PXT1: variants seen among roughly 807,000 people sequenced by gnomAD.
The protein encoded by PXT1 is peroxisomal testis-specific protein 1.
PXT1 carries 11 observed loss-of-function variants against 11.0 expected under a neutral mutation model. That is an observed-to-expected ratio of 1.00 (90% CI 0.63 to 1.66). The LOEUF is 1.66. PXT1 is among the 40% of genes most tolerant of loss of function. PXT1 has a pLI of 0.00. For synonymous variants in PXT1, 43 were observed against 51.4 expected (o/e 0.84, Z 0.70); for missense variants, 141 against 155.5 (o/e 0.91, Z 0.49).
At chr6:36,426,461 T>C (rs372091629) in intron 2 of PXT1, among the ~76,000 whole-genome samples, 13 of 147,030 alleles carry the variant, frequency 8.8e-5, no homozygotes, top group African/African-American at 3.3e-4. Context: ...ACCTCTGCCT[T>C]CTGGGTTCAA....
At chr6:36,420,632 CT>C (rs2127415285) in intron 3 of PXT1, among the ~76,000 whole-genome samples, 1 of 151,878 alleles carries the variant, frequency 6.6e-6, no homozygotes, top group South Asian at 2.1e-4. Context: ...TTTTCATATT[CT>C]TTATTTTTCT....
intron 2 of PXT1, among the ~76,000 whole-genome samples, chr6:36,435,598 A>G (rs973589749): frequency 1.3e-5 from 2 of 152,214 alleles, no homozygotes; most frequent in Non-Finnish European, 2.9e-5. Flanking sequence ...GCAAGAAAAC[A>G]TCGCAGAACA....
At chr6:36,402,683 AG>A (rs982310129) in intron 3 of PXT1, among the ~76,000 whole-genome samples, 43 of 152,230 alleles carry the variant, frequency 2.8e-4, no homozygotes, top group African/African-American at 1.0e-3. Flanking sequence ...AGTGAGCAAA[AG>A]CTTGGGGGTG....
At chr6:36,407,543 C>T (rs148869239) in intron 3 of PXT1, among the ~76,000 whole-genome samples, 94 of 151,502 alleles carry the variant, frequency 6.2e-4, no homozygotes, top group African/African-American at 1.9e-3. Context: ...GTCTAAATGG[C>T]CCAGTAAGGA....
At chr6:36,424,367 C>T (rs1213784301) in intron 3 of PXT1, among the ~76,000 whole-genome samples, 2 of 152,326 alleles carry the variant, frequency 1.3e-5, no homozygotes, top group African/African-American at 4.8e-5. Context: ...TCAGGCGGAG[C>T]GCGGTGGCTC....
chr6:36,398,177 CT>C (rs1241940035), intron 4 of PXT1, among the ~76,000 whole-genome samples: 6 of 152,172 alleles, frequency 3.9e-5, no homozygotes, highest in Non-Finnish European at 5.9e-5. Flanking sequence ...ATGAGATACA[CT>C]TCATACTCAC....
At chr6:36,441,111 G>GAAAA (rs970159726) in intron 1 of PXT1, among the ~76,000 whole-genome samples, 10 of 71,238 alleles carry the variant, frequency 1.4e-4, no homozygotes, top group East Asian at 5.1e-4. Context: ...TCCACAAAAA[G>GAAAA]AAAAAAAAAA....
rs1396312125 is a variant in PXT1, at chr6:36,392,108, G to T, written c.301-234C>A. 4 of 406,648 alleles carry T rather than the reference G, an allele frequency of 9.8e-6. No individual in the cohort carries two copies. The East Asian group carries it at 2.1e-4, about 21-fold the overall frequency. The allele number at this position is 406,648 out of a possible 1,614,324, so 25.2% of individuals were successfully genotyped here. On this transcript the variant is annotated intron_variant, in intron 4 of 4. Coordinates refer to ENST00000454782, the MANE Select transcript of PXT1 (RefSeq NM_152990.4). ...CCTATCTGACCGTCTTTCCCACCTG[G>T]CCTCAAACTCCTGGGCTCAAGTGAT...
At chr6:36,416,870 T>C (rs1321367105) in intron 3 of PXT1, among the ~76,000 whole-genome samples, 2 of 152,128 alleles carry the variant, frequency 1.3e-5, no homozygotes, top group Non-Finnish European at 2.9e-5. Context: ...TTCAAAAATG[T>C]AAGAATTAAA....
In PXT1 at chr6:36,412,147, T is replaced by C. The variant is rs185340565; in HGVS notation, c.170-11563A>G. ...CAGGTGGATCACCTGAGGTCAGGAG[T>C]TCAAGACCAGCCTGGCCAACATGGT... On this transcript the variant is annotated intron_variant, in intron 3 of 4. Transcript: ENST00000454782. Among the ~76,000 whole-genome samples the C allele has an allele frequency of 3.4e-4, 50 of 146,614 alleles. No individual in the cohort carries two copies. In the East Asian group the frequency reaches 1.0e-2, roughly 29 times the overall value.
intron 2 of PXT1, among the ~76,000 whole-genome samples, chr6:36,430,531 T>G (rs938025530): frequency 4.6e-5 from 7 of 152,126 alleles, no homozygotes; most frequent in African/African-American, 1.7e-4. Context: ...CAGAATGACA[T>G]GAGAAGAATC....
At chr6:36,440,424 G>A (rs1370943980) in intron 1 of PXT1, among the ~76,000 whole-genome samples, 1 of 151,922 alleles carries the variant, frequency 6.6e-6, no homozygotes, top group Non-Finnish European at 1.5e-5. Context: ...CAAAAAATTA[G>A]CCGGGCACAG....
intron 3 of PXT1, among the ~76,000 whole-genome samples, chr6:36,423,648 C>G (rs1774558540): frequency 6.6e-6 from 1 of 152,172 alleles, no homozygotes. Flanking sequence ...TTCGTGCCCC[C>G]TCACACCGCC....
At chr6:36,425,800 C>CAA (rs1554154118) in intron 3 of PXT1, 114 bp downstream of exon 3, 238 of 216,316 alleles carry the variant, frequency 1.1e-3, no homozygotes, top group Middle Eastern at 1.6e-3. Flanking sequence ...AAAACAAAAA[C>CAA]AAAAAATATA....
At chr6:36,436,796 T>C (rs1774769989) in intron 2 of PXT1, among the ~76,000 whole-genome samples, 1 of 152,202 alleles carries the variant, frequency 6.6e-6, no homozygotes, top group Non-Finnish European at 1.5e-5. Context: ...AACTCTCTTG[T>C]GTCCATTGGG....
At chr6:36,398,346 T>A (rs6927636) in intron 4 of PXT1, among the ~76,000 whole-genome samples, 1 of 152,084 alleles carries the variant, frequency 6.6e-6, no homozygotes, top group African/African-American at 2.4e-5. Flanking sequence ...ACATAGAGAT[T>A]TCACATGACC....
chr6:36,419,458 G>T (rs546856074), intron 3 of PXT1, among the ~76,000 whole-genome samples: 1 of 152,210 alleles, frequency 6.6e-6, no homozygotes, highest in Non-Finnish European at 1.5e-5. Context: ...AGGGCAGTTA[G>T]GTAGGCAAAG....
At chr6:36,439,628 A>C (rs139755547) in intron 1 of PXT1, among the ~76,000 whole-genome samples, 78 of 133,462 alleles carry the variant, frequency 5.8e-4, no homozygotes, top group African/African-American at 2.0e-3. Context: ...AACAACAACA[A>C]CACTCATATA....
intron 2 of PXT1, among the ~76,000 whole-genome samples, chr6:36,437,806 G>C (rs537742712): frequency 7.3e-6 from 1 of 136,640 alleles, no homozygotes; most frequent in Non-Finnish European, 1.5e-5. Flanking sequence ...GTGAGCCACC[G>C]TGCCCAGCCA....
Sources: allele counts gnomAD v4.1 joint callset (sites outside exome capture counted in the v4.1 genomes callset), GRCh38; gene constraint gnomAD v4.1.1; transcripts MANE v1.5; gene names NCBI Gene and HGNC (gene_info 2026-07-23, HGNC 2026-07-21).